PTGER3: variants seen among roughly 807,000 people sequenced by gnomAD.
PTGER3 encodes the protein prostaglandin E receptor 3.
In PTGER3, 22 loss-of-function variants were observed where a neutral mutation model predicts 34.7. That is an observed-to-expected ratio of 0.63 (90% CI 0.45 to 0.91). PTGER3 has a LOEUF of 0.91. PTGER3 is among the 40% of genes least tolerant of loss of function. The pLI is 0.00. For missense variants in PTGER3, 468 were observed against 519.4 expected, an observed-to-expected ratio of 0.90 and a Z score of 0.96; for synonymous variants, 241 against 230.1, an observed-to-expected ratio of 1.05 and a Z score of -0.43.
At chr1:70,992,590 G>A (rs377748002) in intron 2 of PTGER3, among the ~76,000 whole-genome samples, 4 of 152,064 alleles carry the variant, frequency 2.6e-5, no homozygotes, top group African/African-American at 9.7e-5. Flanking sequence ...GTAACCAATT[G>A]TGTAGACACA....
At position 71,012,291 on chromosome 1, in the gene PTGER3, A is replaced by G; in HGVS notation, c.1077+14T>C. 6.2e-7 allele frequency: 1 copy of G among 1,614,160 alleles called. No individual in the cohort carries two copies. Among genetic ancestry groups the G allele is most frequent in the Non-Finnish European group, 8.5e-7 (1 of 1,180,034 alleles). On this transcript the variant is annotated intron_variant, in intron 2 of 3. Coordinates refer to ENST00000306666, the MANE Select transcript of PTGER3 (RefSeq NM_198719.2). ...CTGTCCATCATTAGAGCAGCTGGAGACAGCATTTGCTACCTGGCAAAACTT... is the reference window on the plus strand; with the variant it reads ...CTGTCCATCATTAGAGCAGCTGGAGGCAGCATTTGCTACCTGGCAAAACTT...
intron 4 of PTGER3, among the ~76,000 whole-genome samples, chr1:70,900,105 A>G (rs1197488874): frequency 2.0e-5 from 3 of 152,120 alleles, no homozygotes; most frequent in African/African-American, 4.8e-5. Context: ...TTTCTTCAGC[A>G]TGTTGTTGTT....
At chr1:70,902,163 C>CACA (rs1360087969) in intron 4 of PTGER3, among the ~76,000 whole-genome samples, 3 of 151,980 alleles carry the variant, frequency 2.0e-5, no homozygotes, top group African/African-American at 7.3e-5. Flanking sequence ...TTACTGCCAC[C>CACA]ACAATAATAA....
downstream of PTGER3, among the ~76,000 whole-genome samples, chr1:70,949,427 A>T (rs1268133672): frequency 2.0e-5 from 3 of 152,206 alleles, no homozygotes; most frequent in Admixed American, 6.5e-5. Context: ...GGAAAGGAAG[A>T]ATATTCCAGA....
At chr1:70,965,763 A>G (rs1390516152) in intron 2 of PTGER3, among the ~76,000 whole-genome samples, 1 of 152,028 alleles carries the variant, frequency 6.6e-6, no homozygotes, top group Non-Finnish European at 1.5e-5. Flanking sequence ...TCTCTGCTTT[A>G]CTTTTGCTTT....
intron 2 of PTGER3, among the ~76,000 whole-genome samples, chr1:70,992,680 A>G (rs1655583482): frequency 1.3e-5 from 2 of 152,208 alleles, no homozygotes; most frequent in Admixed American, 1.3e-4. Flanking sequence ...TACAGAGAGA[A>G]AAGAGGCAAC....
chr1:71,019,014 T>C (rs1043145944), intron 1 of PTGER3, among the ~76,000 whole-genome samples: 2 of 152,148 alleles, frequency 1.3e-5, no homozygotes, highest in African/African-American at 4.8e-5. Flanking sequence ...GAGATGAAAC[T>C]GGGGCTCCAA....
chr1:70,923,768 A>G (rs1253349683), intron 4 of PTGER3, among the ~76,000 whole-genome samples: 1 of 152,172 alleles, frequency 6.6e-6, no homozygotes, highest in East Asian at 1.9e-4. Context: ...TTTGGAGCAT[A>G]TTTGTTTCTC....
intron 2 of PTGER3, chr1:71,005,915 G>C (rs188151514): frequency 1.2e-6 from 1 of 804,948 alleles, no homozygotes; most frequent in Non-Finnish European, 1.5e-6. Context: ...GTACATATTC[G>C]CAGGGCACAG....
At chr1:70,968,122 T>A (rs1652717668), downstream of PTGER3, among the ~76,000 whole-genome samples, 1 of 152,204 alleles carries the variant, frequency 6.6e-6, no homozygotes, top group Non-Finnish European at 1.5e-5. Context: ...TATTTTCTTT[T>A]ACATTGGGTT....
In PTGER3 at chr1:70,974,302, C is replaced by G; in HGVS notation, c.1164G>C (p.Leu388Phe). 1.2e-6 allele frequency: 2 copies of G among 1,604,152 alleles called. No homozygotes were observed. The highest frequency in any genetic ancestry group is 1.7e-6 in the Non-Finnish European group (2 of 1,171,296). The change falls in exon 3 of 4, where the codon TTG (leucine) becomes TTC (phenylalanine). Residue 388 changes from leucine to phenylalanine, a missense_variant. By Grantham distance (22) the Leu-to-Phe change is conservative (BLOSUM62 0). Around this residue, in one of 5 missense-constraint regions of PTGER3, gnomAD observed 57 missense variants for 43.8 expected, o/e 1.30. Transcript: ENST00000306666. ...CGGCAGTTTCTAAATCTCACCTTTCCAAATGGTCGCTCCACATCAAGGTTG... is the reference window on the plus strand; with the variant it reads ...CGGCAGTTTCTAAATCTCACCTTTCGAAATGGTCGCTCCACATCAAGGTTG... ...CSSTLMWSDH[L>F]ER is the part of the protein sequence containing the mutation.
chr1:70,921,614 T>C (rs1401417255), intron 4 of PTGER3, among the ~76,000 whole-genome samples: 1 of 151,732 alleles, frequency 6.6e-6, no homozygotes, highest in East Asian at 1.9e-4. Flanking sequence ...CCCAGCAAAC[T>C]GGTCAGTTAT....
chr1:71,023,411 T>C (rs1658600449), intron 1 of PTGER3, among the ~76,000 whole-genome samples: 1 of 151,902 alleles, frequency 6.6e-6, no homozygotes, highest in South Asian at 2.1e-4. Context: ...CAAAATATGT[T>C]AGCATTTCTG....
intron 4 of PTGER3, among the ~76,000 whole-genome samples, chr1:70,894,235 G>A (rs1646677828): frequency 6.6e-6 from 1 of 150,888 alleles, no homozygotes; most frequent in Non-Finnish European, 1.5e-5. Context: ...CTTGAACCTG[G>A]TGGGCGGAGG....
intron 2 of PTGER3, chr1:71,008,848 C>T (rs973204983): frequency 1.0e-6 from 1 of 960,796 alleles, no homozygotes; most frequent in African/African-American, 1.8e-5. Context: ...TCAAGTTAGG[C>T]TTTTTATGTG....
intron 4 of PTGER3, among the ~76,000 whole-genome samples, chr1:70,897,259 G>T (rs763626010): frequency 6.6e-6 from 1 of 152,098 alleles, no homozygotes; most frequent in Non-Finnish European, 1.5e-5. Flanking sequence ...TGCTTGAAGG[G>T]GTTGAAGTGT....
chr1:70,969,968 A>G (rs1652914618), downstream of PTGER3, among the ~76,000 whole-genome samples: 1 of 152,176 alleles, frequency 6.6e-6, no homozygotes, highest in South Asian at 2.1e-4. Context: ...ATTGAGATGC[A>G]ATTAACTTTC....
At chr1:70,961,460 A>C (rs1487299220) in intron 2 of PTGER3, among the ~76,000 whole-genome samples, 1 of 152,130 alleles carries the variant, frequency 6.6e-6, no homozygotes, top group Non-Finnish European at 1.5e-5. Flanking sequence ...TTTTATGAAC[A>C]TGTGCCTTGG....
intron 4 of PTGER3, among the ~76,000 whole-genome samples, chr1:70,858,201 CT>C (rs35355255): frequency 2.3e-3 from 305 of 134,082 alleles, no homozygotes; most frequent in Admixed American, 5.5e-3. Flanking sequence ...AACACAGATT[CT>C]TTTTTTTTTT....
Sources: gnomAD v4.1 joint callset for allele counts (sites outside exome capture counted in the v4.1 genomes callset) on GRCh38, gnomAD v4.1.1 for gene constraint, gnomAD v4.1.1 regional missense constraint, MANE v1.5 for transcripts, NCBI Gene and HGNC (gene_info 2026-07-23, HGNC 2026-07-21) for gene names.